NCAM2: variants seen among roughly 807,000 people sequenced by gnomAD.
NCAM2 encodes the protein N-CAM-2.
NCAM2 carries 30 observed loss-of-function variants against 98.1 expected under a neutral mutation model. That is an observed-to-expected ratio of 0.31 (90% CI 0.23 to 0.41). The LOEUF (loss-of-function observed/expected upper bound fraction) is 0.41. Ranked by LOEUF, NCAM2 falls within the 10% of genes least tolerant of loss-of-function variation. The pLI is 1.00. For missense variants in NCAM2, 867 were observed against 1,005.8 expected (o/e 0.86, Z 1.87); for synonymous variants, 368 against 342.4 (o/e 1.07, Z -0.83).
intron 1 of NCAM2, among the ~76,000 whole-genome samples, chr21:21,013,683 A>G (rs1397980502): frequency 3.3e-5 from 5 of 152,084 alleles, no homozygotes; most frequent in African/African-American, 1.2e-4. Flanking sequence ...TGGGAGGCTG[A>G]GGCAGGAGAA....
chr21:21,427,748 CA>C (rs2077245819), intron 11 of NCAM2, among the ~76,000 whole-genome samples: 1 of 152,180 alleles, frequency 6.6e-6, no homozygotes, highest in Non-Finnish European at 1.5e-5. Context: ...TTACACACCT[CA>C]AAAAATTCTG....
intron 12 of NCAM2, among the ~76,000 whole-genome samples, chr21:21,446,346 T>C (rs1240491499): frequency 6.6e-6 from 1 of 152,126 alleles, no homozygotes; most frequent in Non-Finnish European, 1.5e-5. Context: ...AGTAGTGTTC[T>C]CTGTATTTTC....
intron 1 of NCAM2, among the ~76,000 whole-genome samples, chr21:21,138,777 T>G (rs776913244): frequency 5.3e-5 from 8 of 152,120 alleles, no homozygotes; most frequent in Non-Finnish European, 1.2e-4. Context: ...GATACCAAAA[T>G]AGATATATAT....
intron 6 of NCAM2, among the ~76,000 whole-genome samples, chr21:21,330,984 AAGG>A (rs2074660115): frequency 6.6e-6 from 1 of 152,064 alleles, no homozygotes; most frequent in Non-Finnish European, 1.5e-5. Context: ...TGAGAGTTTC[AAGG>A]AGATGTTTTG....
At chr21:21,483,004 T>C (rs1986028509) in intron 15 of NCAM2, among the ~76,000 whole-genome samples, 1 of 151,990 alleles carries the variant, frequency 6.6e-6, no homozygotes, top group Non-Finnish European at 1.5e-5. Flanking sequence ...CATTTATTGA[T>C]TTGTTCTGTA....
intron 12 of NCAM2, among the ~76,000 whole-genome samples, chr21:21,441,207 A>C (rs895579056): frequency 6.6e-6 from 1 of 152,196 alleles, no homozygotes; most frequent in Admixed American, 6.5e-5. Flanking sequence ...TCATGTCTAC[A>C]AAACTAAAAG....
At chr21:21,533,757 ACT>A (rs1989838263) in intron 16 of NCAM2, among the ~76,000 whole-genome samples, 1 of 146,014 alleles carries the variant, frequency 6.8e-6, no homozygotes, top group African/African-American at 2.5e-5. Context: ...CTTCCTTGTT[ACT>A]CTTTTTTTGG....
At chr21:21,333,366 G>A (rs1046036793) in intron 6 of NCAM2, among the ~76,000 whole-genome samples, 8 of 152,068 alleles carry the variant, frequency 5.3e-5, no homozygotes, top group African/African-American at 1.9e-4. Flanking sequence ...AAAATTCCCA[G>A]AGTAGTACAG....
rs1484361681 is a variant in NCAM2 at position 21,307,940 on chromosome 21, A to G, written c.619+15699A>G. ...TTCCTCACTTAATGTCTGTAACTTT[A>G]AAAAACACCTGCAAAGTCTTTTTAA... On this transcript the variant is annotated intron_variant, in intron 5 of 17. Transcript: ENST00000400546. 2.0e-5 allele frequency among the ~76,000 whole-genome samples: 3 copies of G among 152,046 alleles called. No individual in the cohort carries two copies. In the East Asian group the frequency reaches 5.8e-4, roughly 29 times the overall value.
intron 8 of NCAM2, among the ~76,000 whole-genome samples, chr21:21,345,018 A>G (rs1248747625): frequency 6.6e-6 from 1 of 152,194 alleles, no homozygotes; most frequent in Non-Finnish European, 1.5e-5. Context: ...AACTTGTCCA[A>G]GACTATCAAG....
At chr21:21,320,010 C>T (rs192076436) in intron 5 of NCAM2, among the ~76,000 whole-genome samples, 1 of 152,190 alleles carries the variant, frequency 6.6e-6, no homozygotes, top group Admixed American at 6.5e-5. Context: ...CAAATTTGAT[C>T]CTCACGCTTC....
chr21:21,405,290 G>A (rs1037019810), intron 9 of NCAM2, among the ~76,000 whole-genome samples: 1 of 151,930 alleles, frequency 6.6e-6, no homozygotes, highest in African/African-American at 2.4e-5. Context: ...TATGCCTACT[G>A]CCAAACACGT....
chr21:21,284,018 T>C (rs889650913), intron 2 of NCAM2, among the ~76,000 whole-genome samples, 176 bp from the exon 3 acceptor site: 1 of 151,942 alleles, frequency 6.6e-6, no homozygotes, highest in South Asian at 2.1e-4. Context: ...TAAACAAAGG[T>C]GAACATTTGC....
chr21:21,383,642 G>A lies in NCAM2; in HGVS notation c.1195+9629G>A, dbSNP rs377468936. On this transcript the variant is annotated intron_variant, in intron 9 of 17. Coordinates refer to ENST00000400546, the MANE Select transcript of NCAM2 (RefSeq NM_004540.5). ...TTTTCAGAGTTCTAAATTCTTATTA[G>A]TAGTGAAGATGTACTATCTTGGGTT... Among the ~76,000 whole-genome samples the A allele has an allele frequency of 2.0e-4, 30 of 151,982 alleles. No individual in the cohort carries two copies. The East Asian group carries it at 4.4e-3, about 23-fold the overall frequency.
intron 1 of NCAM2, among the ~76,000 whole-genome samples, chr21:21,181,076 A>C (rs1050641201): frequency 6.6e-6 from 1 of 152,154 alleles, no homozygotes. Flanking sequence ...CTACTGATCA[A>C]ACTATACATT....
chr21:21,054,937 G>C (rs1033768164), intron 1 of NCAM2, among the ~76,000 whole-genome samples: 1 of 151,956 alleles, frequency 6.6e-6, no homozygotes, highest in Non-Finnish European at 1.5e-5. Flanking sequence ...TAGAAACGAA[G>C]TTGGCTTAAG....
At position 21,205,068 on chromosome 21, in the gene NCAM2, A is replaced by G. The variant is rs180712754; in HGVS notation, c.56-75510A>G. On this transcript the variant is annotated intron_variant, in intron 1 of 17. Coordinates refer to ENST00000400546, the MANE Select transcript of NCAM2 (RefSeq NM_004540.5). ...TATGCAAGTGAACATTCACGTGTAT[A>G]TGTATATGTGTGACATGTGCACACA... Among the ~76,000 whole-genome samples the G allele has an allele frequency of 8.5e-5, 13 of 152,298 alleles. No homozygotes were observed. In the East Asian group the frequency reaches 2.3e-3, roughly 27 times the overall value.
At chr21:21,241,013 CA>C (rs1295861020) in intron 1 of NCAM2, among the ~76,000 whole-genome samples, 7 of 152,036 alleles carry the variant, frequency 4.6e-5, no homozygotes, top group African/African-American at 1.7e-4. Context: ...CCTTATATGA[CA>C]ATATCTTATA....
chr21:21,445,043 C>T (rs1979896928), intron 12 of NCAM2, among the ~76,000 whole-genome samples: 1 of 152,104 alleles, frequency 6.6e-6, no homozygotes, highest in African/African-American at 2.4e-5. Flanking sequence ...TCTTCATTCT[C>T]ATTGGTTTCA....
Sources: allele counts gnomAD v4.1 joint callset (sites outside exome capture counted in the v4.1 genomes callset), GRCh38; gene constraint gnomAD v4.1.1; transcripts MANE v1.5; gene names NCBI Gene and HGNC (gene_info 2026-07-23, HGNC 2026-07-21).